Variants in ZNF558 observed in about 807,000 individuals in gnomAD.
ZNF558 encodes zinc finger protein 558.
In ZNF558, 23 loss-of-function variants were observed where a neutral mutation model predicts 37.6. The observed-to-expected ratio is 0.61, with a 90% confidence interval of 0.44 to 0.87. The LOEUF (loss-of-function observed/expected upper bound fraction) is 0.87, where lower values mean the gene tolerates loss of function less well. Ranked by LOEUF, ZNF558 falls within the 40% of genes least tolerant of loss-of-function variation. The probability of loss-of-function intolerance (pLI) is 0.00; values close to 1 mark genes in which losing one functional copy is unlikely to be tolerated. For synonymous variants in ZNF558, 189 were observed against 174.4 expected, an observed-to-expected ratio of 1.08 and a Z score of -0.66; for missense variants, 429 against 483.7, an observed-to-expected ratio of 0.89 and a Z score of 1.06.
chr19:8,831,206 C>T (rs1323818983), intron 2 of ZNF558, 112 bp downstream of exon 2: 2 of 152,154 alleles, frequency 1.3e-5, no homozygotes, highest in African/African-American at 4.8e-5. Flanking sequence ...GATACCTTCA[C>T]TCTTAGTGAC....
intron 8 of ZNF558, 88 bp from the exon 9 acceptor site, chr19:8,812,731 G>T: frequency 2.7e-6 from 2 of 734,460 alleles, no homozygotes; most frequent in Non-Finnish European, 2.1e-6. Context: ...TGAGGGATCA[G>T]GGTTTTTGAG....
At chr19:8,825,991 G>A (rs186543639) in intron 2 of ZNF558, among the ~76,000 whole-genome samples, 15 of 152,336 alleles carry the variant, frequency 9.8e-5, no homozygotes, top group Non-Finnish European at 1.5e-4. Flanking sequence ...GTTCAAAGAA[G>A]GATGGGATGA....
chr19:8,816,055 AACACACACACACAC>A (rs112370625), intron 7 of ZNF558, among the ~76,000 whole-genome samples: 58 of 150,206 alleles, frequency 3.9e-4, no homozygotes, highest in African/African-American at 1.3e-3. Flanking sequence ...TTCATACTGA[AACACACACACACAC>A]ACACACACAT....
rs1555766640 is a variant in ZNF558 at position 8,808,687 on chromosome 19, T to C, written c.*2594A>G. The C allele has an allele frequency of 6.6e-6, 1 of 152,260 alleles. No homozygotes were observed. The highest frequency in any genetic ancestry group is 2.4e-5 in the African/African-American group (1 of 41,466). The allele number at this position is 152,260 out of a possible 1,614,324, so 9.4% of individuals were successfully genotyped here. On this transcript the variant is annotated 3_prime_UTR_variant, in exon 10 of 10. Transcript: ENST00000601372. ...CAATTTATAGGTTTACCAGTTAGAT[T>C]CTGCATCCTGCTGGAAGTTAACAGA...
At chr19:8,817,574 G>T (rs1263812256) in intron 7 of ZNF558, among the ~76,000 whole-genome samples, 2 of 151,338 alleles carry the variant, frequency 1.3e-5, no homozygotes, top group Non-Finnish European at 2.9e-5. Context: ...TTGACTTATG[G>T]TATTTTTAAC....
Position 8,811,481 on chromosome 19 carries a change from C to G in ZNF558, c.1009G>C (p.Val337Leu). 1 of 1,614,056 alleles carries G rather than the reference C, an allele frequency of 6.2e-7. No individual in the cohort carries two copies. The highest frequency in any genetic ancestry group is 8.5e-7 in the Non-Finnish European group (1 of 1,179,982). Residue 337 changes from valine (V) to leucine (L), a missense_variant, in exon 10 of 10, where the codon GTG (valine) becomes CTG (leucine). Val to Leu is a conservative substitution (Grantham distance 32, BLOSUM62 1). Coordinates refer to ENST00000601372, the MANE Select transcript of ZNF558 (RefSeq NM_144693.3). ...TCTCCGGTATGTATTCTCTTGTGCA[C>G]AGTAAGAGAAAAGCTACTGCTGAAG... ...KSFSSSFSLT[V>L]HKRIHTGEKP...
In ZNF558 at chr19:8,822,785, T is replaced by C. The variant is rs1334861702; in HGVS notation, c.-65-61A>G. The C allele has an allele frequency of 6.9e-7, 1 of 1,459,288 alleles. No homozygotes were observed. The highest frequency in any genetic ancestry group is 9.5e-7 in the Non-Finnish European group (1 of 1,054,586). The allele number at this position is 1,459,288 out of a possible 1,614,324, so 90.4% of individuals were successfully genotyped here. A position where few individuals can be genotyped will look rare whatever the true frequency, so the allele number is the denominator to read the frequency against. On this transcript the variant is annotated intron_variant, in intron 4 of 9. Transcript: ENST00000601372. The surrounding 1 kb of genome is among the most constrained non-coding windows in gnomAD (Gnocchi z 4.4). Reference sequence around the variant, plus strand: ...CTCCTCCCTCTCGGGCTGCTGGGGATGGGCCCTCCTCAACCCATCCTTCCC... The same window carrying C: ...CTCCTCCCTCTCGGGCTGCTGGGGACGGGCCCTCCTCAACCCATCCTTCCC...
At position 8,808,453 on chromosome 19, in the gene ZNF558, A is replaced by G. The variant is rs2043721447; in HGVS notation, c.*2828T>C. 1 of 152,278 alleles carries G rather than the reference A, an allele frequency of 6.6e-6. No homozygotes were observed. Among genetic ancestry groups the G allele is most frequent in the Non-Finnish European group, 1.5e-5 (1 of 68,056 alleles). 9.4% of individuals were successfully genotyped at this position (152,278 alleles called of 1,614,324 possible). A position where few individuals can be genotyped will look rare whatever the true frequency, so the allele number is the denominator to read the frequency against. Reference sequence around the variant, plus strand: ...ATCTAGTTACATAATGTCAAAATATATAAAAATGACAAAATTACAGTGTTA... The same window carrying G: ...ATCTAGTTACATAATGTCAAAATATGTAAAAATGACAAAATTACAGTGTTA... On this transcript the variant is annotated 3_prime_UTR_variant, in exon 10 of 10. Transcript: ENST00000601372.
chr19:8,814,096 G>T (rs782670367), intron 7 of ZNF558, among the ~76,000 whole-genome samples: 4 of 152,224 alleles, frequency 2.6e-5, no homozygotes, highest in Non-Finnish European at 5.9e-5. Context: ...TTCTTGAAAT[G>T]TATCAAAAGT....
At chr19:8,814,267 C>T (rs1382562889) in intron 7 of ZNF558, among the ~76,000 whole-genome samples, 2 of 152,188 alleles carry the variant, frequency 1.3e-5, no homozygotes, top group African/African-American at 2.4e-5. Context: ...AGACCTTACT[C>T]TGTGGTTGCT....
intron 7 of ZNF558, among the ~76,000 whole-genome samples, chr19:8,813,758 A>C (rs1250471442): frequency 6.6e-6 from 1 of 152,254 alleles, no homozygotes; most frequent in Admixed American, 6.5e-5. Context: ...TAGGGCATAA[A>C]CAGCCCCAGA....
At chr19:8,833,659 A>G (rs2044415156), upstream of ZNF558, 1 of 152,262 alleles carries the variant, frequency 6.6e-6, no homozygotes, top group Admixed American at 6.5e-5. Context: ...AGTGAATGTG[A>G]TAAATAGAAT....
In ZNF558 at chr19:8,830,232, C is replaced by T. The variant is rs372811619; in HGVS notation, c.-509+1086G>A. Among the ~76,000 whole-genome samples, 5 of 152,220 alleles carry T rather than the reference C, an allele frequency of 3.3e-5. No individual in the cohort carries two copies. In the South Asian group the frequency reaches 1.0e-3, roughly 32 times the overall value. On this transcript the variant is annotated intron_variant, in intron 2 of 9. Coordinates refer to ENST00000601372, the MANE Select transcript of ZNF558 (RefSeq NM_144693.3). ...TGATCGTAAGTTTCCTGAGGCCTCC[C>T]CCGCCATGCAGAACTGAGTCAATTA...
At position 8,821,532 on chromosome 19, in the gene ZNF558, A is replaced by C. The variant is rs886794819; in HGVS notation, c.121-226T>G. On this transcript the variant is annotated intron_variant, in intron 6 of 9. Coordinates refer to ENST00000601372, the MANE Select transcript of ZNF558 (RefSeq NM_144693.3). ...CCCTGGCTTCTGAGCTCAGCCCTCA[A>C]TGCTTGTCTCCTTAGGCCATTCCCA... 5 of 1,431,498 alleles carry C rather than the reference A, an allele frequency of 3.5e-6. No individual in the cohort carries two copies. The African/African-American group carries it at 7.2e-5, about 21-fold the overall frequency. The allele number at this position is 1,431,498 out of a possible 1,614,324, so 88.7% of individuals were successfully genotyped here. A position where few individuals can be genotyped will look rare whatever the true frequency, so the allele number is the denominator to read the frequency against.
chr19:8,832,350 C>T (rs1244971428), upstream of ZNF558: 1 of 152,380 alleles, frequency 6.6e-6, no homozygotes, highest in Non-Finnish European at 1.5e-5. Flanking sequence ...CGCTGCACGT[C>T]CCCTTCCGGC....
intron 7 of ZNF558, among the ~76,000 whole-genome samples, chr19:8,813,423 A>G (rs557482715): frequency 3.8e-4 from 58 of 152,260 alleles, no homozygotes; most frequent in African/African-American, 1.3e-3. Flanking sequence ...CAGTGGCATG[A>G]TCTCGGCTCA....
upstream of ZNF558, among the ~76,000 whole-genome samples, chr19:8,836,473 C>T (rs1477985471): frequency 2.0e-5 from 3 of 149,704 alleles, no homozygotes; most frequent in South Asian, 2.1e-4. Context: ...CTCCCCCCCT[C>T]TCCTCCTCCT....
At position 8,810,764 on chromosome 19, in the gene ZNF558, C is replaced by T. The variant is rs2043765332; in HGVS notation, c.*517G>A. 6.5e-6 allele frequency: 1 copy of T among 153,326 alleles called. No individual in the cohort carries two copies. The highest frequency in any genetic ancestry group is 2.4e-5 in the African/African-American group (1 of 41,420). 9.5% of individuals were successfully genotyped at this position (153,326 alleles called of 1,614,324 possible). A position where few individuals can be genotyped will look rare whatever the true frequency, so the allele number is the denominator to read the frequency against. ...CAGGATTGGTGTGTTGTGAGACCAA[C>T]ACAATAGGAAATAAGTGAAAGCTTA... On this transcript the variant is annotated 3_prime_UTR_variant, in exon 10 of 10. Coordinates refer to ENST00000601372, the MANE Select transcript of ZNF558 (RefSeq NM_144693.3).
chr19:8,815,308 C>CA (rs1250795206), intron 7 of ZNF558, among the ~76,000 whole-genome samples: 1 of 151,608 alleles, frequency 6.6e-6, no homozygotes, highest in African/African-American at 2.4e-5. Flanking sequence ...TATGGCATAT[C>CA]AAAAAAATAC....
Sources: gnomAD v4.1 joint callset for allele counts (sites outside exome capture counted in the v4.1 genomes callset) on GRCh38, gnomAD v4.1.1 for gene constraint, Gnocchi (gnomAD v3.1) non-coding constraint, MANE v1.5 for transcripts, NCBI Gene and HGNC (gene_info 2026-07-23, HGNC 2026-07-21) for gene names.